The following SUMF2 variants were observed in gnomAD, a reference collection of about 807,000 sequenced individuals.
SUMF2 encodes inactive C-alpha-formylglycine-generating enzyme 2.
Under a neutral mutation model 44.8 loss-of-function variants are expected in SUMF2, and 45 were observed. The ratio of observed to expected loss-of-function variants is 1.00; its 90% CI spans 0.79 to 1.29. SUMF2 has a LOEUF of 1.29. Ranked by LOEUF, SUMF2 falls within the 50% of genes most tolerant of loss-of-function variation. The probability of loss-of-function intolerance (pLI) is 0.00; values close to 1 mark genes in which losing one functional copy is unlikely to be tolerated. For synonymous variants in SUMF2, 148 were observed against 150.4 expected (o/e 0.98, Z 0.12); for missense variants, 418 against 389.9 (o/e 1.07, Z -0.61).
In SUMF2 at chr7:56,078,892, CA is replaced by C. The variant is rs569578110; in HGVS notation, c.821+385del. 6.9e-5 allele frequency: 33 copies of C among 477,422 alleles called. No individual in the cohort carries two copies. The Admixed American group carries it at 8.3e-4, about 12-fold the overall frequency. 29.6% of individuals were successfully genotyped at this position (477,422 alleles called of 1,614,324 possible). Reference sequence around the variant, plus strand: ...TACTGACTCTTCAAACTGGTGGGCACACGAAAAATCTTTTTTTTTTTTGAGA... The same window carrying C: ...TACTGACTCTTCAAACTGGTGGGCACCGAAAAATCTTTTTTTTTTTTGAGA... On this transcript the variant is annotated intron_variant, in intron 8 of 8. Transcript: ENST00000434526.
rs761540396 is a variant in SUMF2 at position 56,064,343 on chromosome 7, T to G, written c.32T>G (p.Leu11Arg). The G allele has an allele frequency of 1.2e-6, 2 of 1,602,850 alleles. No homozygotes were observed. Among genetic ancestry groups the G allele is most frequent in the South Asian group, 2.2e-5 (2 of 89,182 alleles). MARHGLPLLP[L>R]LSLLVGAWLK... The stretch of plus-strand genomic sequence containing the variant: ...CGGCATGGGTTACCGCTGCTGCCCC[T>G]GCTGTCGCTCCTGGTCGGCGCGTGG... Residue 11 changes from leucine to arginine, a missense_variant, in exon 1 of 9, where the codon CTG becomes CGG. Transcript: ENST00000434526.
downstream of SUMF2, chr7:56,081,389 A>G (rs1425365788): frequency 6.8e-7 from 1 of 1,481,344 alleles, no homozygotes; most frequent in Non-Finnish European, 9.0e-7. The surrounding 1 kb of genome is among the most constrained non-coding windows in gnomAD (Gnocchi z 4.6). Flanking sequence ...CTCGTTTGCC[A>G]CGAAGCCTTG....
chr7:56,064,315 G>A lies in SUMF2; in HGVS notation c.4G>A (p.Ala2Thr), dbSNP rs756988077. 6.3e-7 allele frequency: 1 copy of A among 1,593,224 alleles called. No homozygotes were observed. The highest frequency in any genetic ancestry group is 1.1e-5 in the South Asian group (1 of 88,146). ...GCGGCGCAGCGCGGCAGTCCTGATGGCCCGGCATGGGTTACCGCTGCTGCC... is the reference window on the plus strand; with the variant it reads ...GCGGCGCAGCGCGGCAGTCCTGATGACCCGGCATGGGTTACCGCTGCTGCC... The part of the protein sequence containing the change: M[A>T]RHGLPLLPLL... Residue 2 changes from alanine (A) to threonine (T), a missense_variant, in exon 1 of 9, where the codon GCC (alanine) becomes ACC (threonine). Ala to Thr is a moderately conservative substitution (Grantham distance 58, BLOSUM62 0). Transcript: ENST00000434526.
Position 56,078,110 on chromosome 7 carries a change from C to T in SUMF2, c.600C>T (p.Phe200=). 12 of 1,611,662 alleles carry T rather than the reference C, an allele frequency of 7.4e-6. No homozygotes were observed. Among genetic ancestry groups the T allele is most frequent in the Non-Finnish European group, 1.0e-5 (12 of 1,178,118 alleles). Residue 200 remains phenylalanine, a synonymous_variant, in exon 7 of 9, where the codon TTC becomes TTT. Transcript: ENST00000434526. ...TTCCTTTCTCCCATCAGGGAAAGTT[C>T]CCCAAGGGAGACAAAGCTGAGGATG... ...PNRTNLWQGK[F]PKGDKAEDGF...
chr7:56,066,843 C>A (rs892216121), intron 1 of SUMF2, among the ~76,000 whole-genome samples: 3 of 152,218 alleles, frequency 2.0e-5, no homozygotes, highest in African/African-American at 7.2e-5. Flanking sequence ...TGGTCTCCAA[C>A]TCCTGACCTC....
chr7:56,076,619 G>A (rs894130323), intron 5 of SUMF2: 3 of 445,266 alleles, frequency 6.7e-6, no homozygotes, highest in Non-Finnish European at 1.2e-5. Flanking sequence ...CCATGCTTAG[G>A]ATTACATTGC....
downstream of SUMF2, chr7:56,080,984 C>G (rs143730891): frequency 3.6e-4 from 558 of 1,571,770 alleles, 4 homozygotes; most frequent in South Asian, 4.3e-3. Flanking sequence ...CGCATCTCAC[C>G]CCTTTGACTT....
At chr7:56,074,403 A>G in intron 4 of SUMF2, 183 bp from the exon 5 acceptor site, 10 of 998,120 alleles carry the variant, frequency 1.0e-5, no homozygotes, top group Non-Finnish European at 1.5e-5. Flanking sequence ...TTACCCATCC[A>G]TTTCTCCCTT....
At chr7:56,065,557 G>T (rs1794727765) in intron 1 of SUMF2, among the ~76,000 whole-genome samples, 1 of 152,026 alleles carries the variant, frequency 6.6e-6, no homozygotes, top group Non-Finnish European at 1.5e-5. Context: ...TCTTAATTCC[G>T]ATTCAATCTG....
chr7:56,072,872 G>T (rs1380893341), intron 2 of SUMF2, 125 bp from the exon 3 acceptor site: 3 of 649,990 alleles, frequency 4.6e-6, no homozygotes, highest in South Asian at 3.9e-5. Flanking sequence ...TAATTCCTTG[G>T]CAATCATGAA....
At chr7:56,083,531 A>C (rs1796118474), downstream of SUMF2, 1 of 1,533,494 alleles carries the variant, frequency 6.5e-7, no homozygotes, top group African/African-American at 1.4e-5. Context: ...CCACACTGCA[A>C]GGGAGCAGCA....
downstream of SUMF2, chr7:56,081,052 C>CCTCAGTAGT (rs766399777): frequency 1.2e-6 from 2 of 1,612,048 alleles, no homozygotes; most frequent in South Asian, 2.2e-5. This position sits in a 1 kb window ranked among gnomAD's most constrained non-coding sequence, Gnocchi z 4.6. Flanking sequence ...CTGGCCAGCC[C>CCTCAGTAGT]CTCAGTAGTC....
downstream of SUMF2, chr7:56,082,019 C>A: frequency 6.2e-7 from 1 of 1,613,822 alleles, no homozygotes; most frequent in Non-Finnish European, 8.5e-7. Flanking sequence ...CGGCCAGCAG[C>A]GTGTACATGA....
At chr7:56,077,146 A>G (rs1254151074) in intron 6 of SUMF2, among the ~76,000 whole-genome samples, 1 of 150,410 alleles carries the variant, frequency 6.6e-6, no homozygotes, top group Non-Finnish European at 1.5e-5. Context: ...TCCCAGGTTC[A>G]AGCGATTCTC....
chr7:56,084,002 G>A (rs1029429336), downstream of SUMF2: 10 of 616,272 alleles, frequency 1.6e-5, no homozygotes, highest in Non-Finnish European at 2.8e-5. Context: ...TTTTCCCCTG[G>A]AAAAATTTTT....
chr7:56,076,538 T>C lies in SUMF2; in HGVS notation c.536-296T>C, dbSNP rs1367624671. On this transcript the variant is annotated intron_variant, in intron 5 of 8. Transcript: ENST00000434526. Reference sequence around the variant, plus strand: ...ATGCAATCTAAGTCCAATTTCAAGTTTCTCGATTTCTGTACTTTTCTCAAC... The same window carrying C: ...ATGCAATCTAAGTCCAATTTCAAGTCTCTCGATTTCTGTACTTTTCTCAAC... 4 of 300,676 alleles carry C rather than the reference T, an allele frequency of 1.3e-5. No individual in the cohort carries two copies. The East Asian group carries it at 2.2e-4, about 16-fold the overall frequency. The allele number at this position is 300,676 out of a possible 1,614,324, so 18.6% of individuals were successfully genotyped here.
intron 1 of SUMF2, among the ~76,000 whole-genome samples, chr7:56,065,092 T>C (rs1236080760): frequency 7.0e-6 from 1 of 142,144 alleles, no homozygotes; most frequent in South Asian, 2.2e-4. Flanking sequence ...CTAGGGAGGC[T>C]GAGGCAGGAG....
intron 2 of SUMF2, among the ~76,000 whole-genome samples, chr7:56,069,488 CAT>C (rs958433873): frequency 2.6e-5 from 4 of 151,836 alleles, no homozygotes; most frequent in African/African-American, 7.3e-5. Context: ...CATACACACA[CAT>C]ATATATATAA....
chr7:56,086,254 T>C, the SUMF2 span, among the ~76,000 whole-genome samples: 1 of 152,052 alleles, frequency 6.6e-6, no homozygotes, highest in Non-Finnish European at 1.5e-5. Flanking sequence ...AGTGGATGCC[T>C]GAAACCATGG....
Sources: gnomAD v4.1 joint callset for allele counts (sites outside exome capture counted in the v4.1 genomes callset) on GRCh38, gnomAD v4.1.1 for gene constraint, Gnocchi (gnomAD v3.1) non-coding constraint, MANE v1.5 for transcripts, NCBI Gene and HGNC (gene_info 2026-07-23, HGNC 2026-07-21) for gene names.